Variants in PCSK2 observed in about 807,000 individuals in gnomAD.
PCSK2 encodes the protein proprotein convertase subtilisin/kexin type 2.
Under a neutral mutation model 69.7 loss-of-function variants are expected in PCSK2, and 14 were observed. The ratio of observed to expected loss-of-function variants is 0.20; its 90% confidence interval spans 0.13 to 0.31. PCSK2 has a LOEUF of 0.31. Among genes scored for constraint, PCSK2 ranks in the 10% least tolerant of loss-of-function variants. PCSK2 has a pLI of 1.00. For missense variants in PCSK2, 544 were observed against 842.5 expected (o/e 0.65, Z 4.39); for synonymous variants, 307 against 320.7 (o/e 0.96, Z 0.46).
intron 5 of PCSK2, among the ~76,000 whole-genome samples, chr20:17,386,896 G>A (rs991883616): frequency 1.3e-5 from 2 of 152,180 alleles, no homozygotes; most frequent in Non-Finnish European, 2.9e-5. Context: ...TCCCAAGTGA[G>A]CACAATCCAC....
chr20:17,266,134 T>C (rs1413839152), intron 2 of PCSK2, among the ~76,000 whole-genome samples: 1 of 152,186 alleles, frequency 6.6e-6, no homozygotes, highest in African/African-American at 2.4e-5. Context: ...TGAGCTCAGC[T>C]ATAAATGGAA....
chr20:17,341,556 G>A (rs982560194), intron 2 of PCSK2, among the ~76,000 whole-genome samples: 4 of 152,174 alleles, frequency 2.6e-5, no homozygotes, highest in African/African-American at 7.2e-5. Context: ...CTGCAGAGAT[G>A]GACCGTCAAA....
chr20:17,261,868 C>T lies in PCSK2; in HGVS notation c.282+1524C>T, dbSNP rs561779651. ...TTAGTTATGTATTTTCTTAAAAGTC[C>T]CATTGGCTACTCTTCTTCCACGATT... On this transcript the variant is annotated intron_variant, in intron 2 of 11. Transcript: ENST00000262545. Among the ~76,000 whole-genome samples the T allele has an allele frequency of 9.1e-4, 138 of 152,302 alleles. 2 individuals are homozygous for T. Among genetic ancestry groups the T allele is most frequent in the Non-Finnish European group, 1.3e-3 (90 of 68,032 alleles).
At chr20:17,378,902 C>T (rs1356466085) in intron 5 of PCSK2, among the ~76,000 whole-genome samples, 1 of 152,186 alleles carries the variant, frequency 6.6e-6, no homozygotes, top group African/African-American at 2.4e-5. Flanking sequence ...TCTTTGTCTT[C>T]ATTATCGGTA....
At chr20:17,383,647 T>G (rs201992428) in intron 5 of PCSK2, among the ~76,000 whole-genome samples, 8 of 143,178 alleles carry the variant, frequency 5.6e-5, no homozygotes, top group African/African-American at 2.1e-4. Context: ...TTTTGAAAAA[T>G]AAAAAAAAGA....
intron 2 of PCSK2, among the ~76,000 whole-genome samples, chr20:17,328,842 T>C (rs1240637266): frequency 6.6e-6 from 1 of 152,152 alleles, no homozygotes; most frequent in Admixed American, 6.5e-5. Flanking sequence ...TTGTCGACAG[T>C]CATGAAATTA....
At chr20:17,463,430 A>G (rs1360136098) in intron 10 of PCSK2, 3 of 151,966 alleles carry the variant, frequency 2.0e-5, no homozygotes, top group Admixed American at 2.0e-4. Context: ...ATCATTTTAC[A>G]CCATATGTCC....
chr20:17,348,557 G>A (rs1212800670), intron 2 of PCSK2, among the ~76,000 whole-genome samples: 2 of 152,170 alleles, frequency 1.3e-5, no homozygotes, highest in Admixed American at 6.5e-5. Flanking sequence ...CTGGAGTGTC[G>A]TGTCAGTTTG....
intron 5 of PCSK2, among the ~76,000 whole-genome samples, chr20:17,408,764 G>T (rs184233184): frequency 2.6e-5 from 4 of 152,182 alleles, no homozygotes; most frequent in East Asian, 1.9e-4. Context: ...TGGGCATGGG[G>T]TTTAAAACCC....
chr20:17,451,922 T>TTTC (rs1009213710), intron 8 of PCSK2, among the ~76,000 whole-genome samples: 6 of 149,480 alleles, frequency 4.0e-5, no homozygotes, highest in African/African-American at 1.5e-4. Flanking sequence ...TTGCTTTTTT[T>TTTC]TTTTTTTTTT....
intron 2 of PCSK2, among the ~76,000 whole-genome samples, chr20:17,272,552 T>G (rs959770542): frequency 6.6e-6 from 1 of 152,130 alleles, no homozygotes; most frequent in Non-Finnish European, 1.5e-5. Context: ...TAGATTTGGA[T>G]TCAGTCTCCT....
intron 2 of PCSK2, among the ~76,000 whole-genome samples, chr20:17,338,692 A>G (rs1990427779): frequency 6.6e-6 from 1 of 152,188 alleles, no homozygotes; most frequent in Non-Finnish European, 1.5e-5. Flanking sequence ...GAACTCAGAA[A>G]CAGAGTGAGA....
At chr20:17,397,075 C>T (rs902423558) in intron 5 of PCSK2, among the ~76,000 whole-genome samples, 6 of 152,204 alleles carry the variant, frequency 3.9e-5, no homozygotes, top group Non-Finnish European at 8.8e-5. Flanking sequence ...CCTAGAGTTA[C>T]CTATGTGCAT....
chr20:17,314,347 C>G (rs1020788831), intron 2 of PCSK2, among the ~76,000 whole-genome samples: 1 of 152,154 alleles, frequency 6.6e-6, no homozygotes, highest in African/African-American at 2.4e-5. Flanking sequence ...TAGACTCAAA[C>G]CCGGGACACA....
At chr20:17,364,656 G>A (rs1216986410) in intron 4 of PCSK2, among the ~76,000 whole-genome samples, 3 of 152,162 alleles carry the variant, frequency 2.0e-5, no homozygotes, top group Admixed American at 6.5e-5. Flanking sequence ...CCAACAAGAT[G>A]AGATCTGGGG....
At chr20:17,316,330 A>T (rs1989687920) in intron 2 of PCSK2, among the ~76,000 whole-genome samples, 1 of 152,248 alleles carries the variant, frequency 6.6e-6, no homozygotes, top group African/African-American at 2.4e-5. Flanking sequence ...TATCTAAGTC[A>T]TGCAAATGCT....
intron 8 of PCSK2, among the ~76,000 whole-genome samples, chr20:17,437,593 G>A (rs1387816429): frequency 2.0e-5 from 3 of 152,198 alleles, no homozygotes; most frequent in African/African-American, 4.8e-5. Context: ...CTGTAAAACG[G>A]TGATAATGAG....
At chr20:17,419,384 T>C (rs1201418748) in intron 6 of PCSK2, among the ~76,000 whole-genome samples, 1 of 152,200 alleles carries the variant, frequency 6.6e-6, no homozygotes, top group Admixed American at 6.5e-5. Flanking sequence ...TTAAGACATT[T>C]TCAAAAAGAG....
chr20:17,398,299 AG>A (rs1228287388), intron 5 of PCSK2, among the ~76,000 whole-genome samples: 1 of 152,060 alleles, frequency 6.6e-6, no homozygotes, highest in Non-Finnish European at 1.5e-5. Context: ...CCAAGGTGGG[AG>A]GGTCGCTTGA....
Sources: allele counts gnomAD v4.1 joint callset (sites outside exome capture counted in the v4.1 genomes callset), GRCh38; gene constraint gnomAD v4.1.1; transcripts MANE v1.5; gene names NCBI Gene and HGNC (gene_info 2026-07-23, HGNC 2026-07-21).